The following CENPO variants were observed in gnomAD, a reference collection of about 807,000 sequenced individuals.
CENPO encodes centromere protein O.
Under a neutral mutation model 36.1 loss-of-function variants are expected in CENPO, and 30 were observed. That is an observed-to-expected ratio of 0.83 (90% CI 0.62 to 1.13). CENPO has a LOEUF of 1.13. CENPO is among the 50% of genes most tolerant of loss of function. CENPO has a pLI of 0.00. For missense variants in CENPO, 349 were observed against 357.8 expected, an observed-to-expected ratio of 0.98 and a Z score of 0.20; for synonymous variants, 171 against 142.3, an observed-to-expected ratio of 1.20 and a Z score of -1.44.
chr2:24,805,729 G>A (rs1007043833), intron 3 of CENPO, among the ~76,000 whole-genome samples: 1 of 152,216 alleles, frequency 6.6e-6, no homozygotes. Context: ...GTGTCAGTCT[G>A]CCTCTACTGG....
intron 6 of CENPO, 30 bp from the exon 7 acceptor site, chr2:24,817,640 G>C: frequency 1.2e-6 from 2 of 1,614,004 alleles, no homozygotes; most frequent in Non-Finnish European, 1.7e-6. Flanking sequence ...CAGCTGCACT[G>C]AATGAGATTG....
At chr2:24,817,926 C>T in intron 7 of CENPO, 85 bp downstream of exon 7, 1 of 1,106,672 alleles carries the variant, frequency 9.0e-7, no homozygotes, top group Non-Finnish European at 1.3e-6. Context: ...AAACAGACAC[C>T]TACCTGTTCA....
intron 3 of CENPO, among the ~76,000 whole-genome samples, chr2:24,809,516 TTTTC>T (rs1181088317): frequency 2.6e-5 from 4 of 152,198 alleles, no homozygotes; most frequent in African/African-American, 7.2e-5. Flanking sequence ...AAGTTTTTCT[TTTTC>T]TTTTTCTTTT....
In CENPO at chr2:24,820,890, C is replaced by T. The variant is rs1283737284; in HGVS notation, c.*1572C>T. The T allele has an allele frequency of 6.2e-7, 1 of 1,606,946 alleles. No individual in the cohort carries two copies. Among genetic ancestry groups the T allele is most frequent in the Non-Finnish European group, 8.5e-7 (1 of 1,175,798 alleles). ...AAGTTCAGCACAGCCACAGGCCACA[C>T]CTTGTTATGGGCCTCAGAAGCCATC... is the stretch of plus-strand genomic sequence containing the variant. On this transcript the variant is annotated 3_prime_UTR_variant, in exon 8 of 8. Transcript: ENST00000380834.
At chr2:24,818,460 T>C (rs1572751240) in intron 7 of CENPO, among the ~76,000 whole-genome samples, 1 of 142,630 alleles carries the variant, frequency 7.0e-6, no homozygotes, top group Non-Finnish European at 1.6e-5. Context: ...GTTTGAAACT[T>C]TTGAAAAGGA....
chr2:24,810,508 T>G (rs1412976844), intron 3 of CENPO, among the ~76,000 whole-genome samples: 10 of 130,408 alleles, frequency 7.7e-5, no homozygotes, highest in Admixed American at 6.8e-4. Context: ...GTTAAGGTTT[T>G]TTTTTTTTTT....
rs988851629 is a variant in CENPO, at chr2:24,802,022, C to G, written c.216+2178C>G. On this transcript the variant is annotated intron_variant, in intron 3 of 7. Transcript: ENST00000380834. ...TTTCGTTGATTAGTGGTTTGTAGTT[C>G]TCCTTGAAGAGGTCCTTCACATCCC... Among the ~76,000 whole-genome samples, 77 of 152,240 alleles carry G rather than the reference C, an allele frequency of 5.1e-4. 1 individual carries two copies. Among genetic ancestry groups the G allele is most frequent in the Middle Eastern group, 3.4e-3 (1 of 294 alleles).
rs1296495098 is a variant in CENPO at position 24,821,670 on chromosome 2, A to C, written c.*2352A>C. The C allele has an allele frequency of 6.2e-7, 1 of 1,611,356 alleles. No individual in the cohort carries two copies. Among genetic ancestry groups the C allele is most frequent in the African/African-American group, 1.3e-5 (1 of 74,918 alleles). ...GCCAGGGGACCGTGGAGAAAGTGTCAGGGGCCGCTCACTGCAGCAGCCTGC... is the reference window on the plus strand; with the variant it reads ...GCCAGGGGACCGTGGAGAAAGTGTCCGGGGCCGCTCACTGCAGCAGCCTGC... On this transcript the variant is annotated 3_prime_UTR_variant, in exon 8 of 8. Transcript: ENST00000380834.
intron 1 of CENPO, 56 bp from the exon 2 acceptor site, chr2:24,793,796 T>G (rs1665747216): frequency 7.5e-7 from 1 of 1,324,688 alleles, no homozygotes; most frequent in Non-Finnish European, 1.1e-6. Context: ...TGCCCTGCCG[T>G]CTGGGTTTGA....
intron 2 of CENPO, among the ~76,000 whole-genome samples, chr2:24,798,133 G>A (rs183628825): frequency 7.9e-5 from 12 of 152,174 alleles, no homozygotes; most frequent in African/African-American, 2.4e-4. Context: ...CAAAACGTTC[G>A]GATACTCAAC....
intron 3 of CENPO, among the ~76,000 whole-genome samples, chr2:24,804,667 T>A (rs1666302173): frequency 6.6e-6 from 1 of 152,248 alleles, no homozygotes; most frequent in African/African-American, 2.4e-5. Flanking sequence ...CACTCTCTTC[T>A]GACTTGTAGA....
chr2:24,821,707 CCCTGGCAGTG>C lies in CENPO; in HGVS notation c.*2390_*2399del. The stretch of plus-strand genomic sequence containing the variant: ...CTGCAGCAGCCTGCTCTGCTGCCTT[CCCTGGCAGTG>C]TTCTGGGGGTGGATTCCCTACACCT... On this transcript the variant is annotated 3_prime_UTR_variant, in exon 8 of 8. Transcript: ENST00000380834. 3 of 1,580,636 alleles carry C rather than the reference CCCTGGCAGTG, an allele frequency of 1.9e-6. No individual in the cohort carries two copies. Among genetic ancestry groups the C allele is most frequent in the Non-Finnish European group, 1.7e-6 (2 of 1,161,330 alleles).
intron 2 of CENPO, among the ~76,000 whole-genome samples, chr2:24,795,537 A>T (rs1424232837): frequency 1.3e-5 from 2 of 152,132 alleles, no homozygotes; most frequent in African/African-American, 4.8e-5. Flanking sequence ...AGGTCGGTAA[A>T]GAAGCTGGGC....
In CENPO at chr2:24,820,643, CAG is replaced by C; in HGVS notation, c.*1326_*1327del. On this transcript the variant is annotated 3_prime_UTR_variant, in exon 8 of 8. Transcript: ENST00000380834. ...TACTGTTCAGGGCCAGGGTGGGAGG[CAG>C]GGGCACGTGGGAAAGCACTGTTCCG... The C allele has an allele frequency of 6.3e-7, 1 of 1,582,212 alleles. No individual in the cohort carries two copies. Among genetic ancestry groups the C allele is most frequent in the Non-Finnish European group, 8.6e-7 (1 of 1,161,168 alleles).
At chr2:24,814,683 C>T in intron 4 of CENPO, 190 bp downstream of exon 4, 2 of 567,442 alleles carry the variant, frequency 3.5e-6, no homozygotes, top group Non-Finnish European at 6.3e-6. Flanking sequence ...CCTATCTTCA[C>T]CTACAAGATT....
At chr2:24,796,292 T>C (rs1484450671) in intron 2 of CENPO, among the ~76,000 whole-genome samples, 2 of 152,098 alleles carry the variant, frequency 1.3e-5, no homozygotes, top group Non-Finnish European at 2.9e-5. Context: ...AGGTAGAGGT[T>C]GCAGTGAGCT....
chr2:24,820,313 T>TG lies in CENPO; in HGVS notation c.*1000dup, dbSNP rs1490080312. On this transcript the variant is annotated 3_prime_UTR_variant, in exon 8 of 8. Transcript: ENST00000380834. ...GAAGGAGAACCCTGGAGTGACTGGC[T>TG]GGGGGCCTCCTCTCATCCAGAGACT... 1.2e-5 allele frequency: 16 copies of TG among 1,304,690 alleles called. No homozygotes were observed. Among genetic ancestry groups the TG allele is most frequent in the East Asian group, 1.2e-4 (4 of 33,778 alleles). 80.8% of individuals were successfully genotyped at this position (1,304,690 alleles called of 1,614,324 possible).
chr2:24,815,651 G>T lies in CENPO; in HGVS notation c.489G>T (p.Glu163Asp), dbSNP rs1666907358. The change falls in exon 5 of 8, where the codon GAG becomes GAT. Residue 163 changes from glutamate to aspartate, a missense_variant. Glu to Asp is a conservative substitution (Grantham distance 45, BLOSUM62 2). Coordinates refer to ENST00000380834, the MANE Select transcript of CENPO (RefSeq NM_001322101.2). ...HSVPVFIPLE[E>D]IAAKYLQTNI... ...TCCCAGTCTTCATTCCCCTGGAAGA[G>T]ATAGCTGCAAAATATTTACAGACCA... The T allele has an allele frequency of 1.9e-6, 3 of 1,614,060 alleles. No individual in the cohort carries two copies. The African/African-American group carries it at 4.0e-5, about 22-fold the overall frequency.
rs767054551 is a variant in CENPO at position 24,793,492 on chromosome 2, T to C, written c.-78T>C. 5.6e-6 allele frequency: 9 copies of C among 1,600,808 alleles called. No homozygotes were observed. In the South Asian group the frequency reaches 8.9e-5, roughly 16 times the overall value. ...GACGTGGATGGCGGGAATTCTCGCT[T>C]CTGGCCTGGGTGAGCTAGAAGGGAG... is the stretch of plus-strand genomic sequence containing the variant. On this transcript the variant is annotated 5_prime_UTR_variant, in exon 1 of 8. Transcript: ENST00000380834.
Sources: gnomAD v4.1 joint callset for allele counts (sites outside exome capture counted in the v4.1 genomes callset) on GRCh38, gnomAD v4.1.1 for gene constraint, MANE v1.5 for transcripts, NCBI Gene and HGNC (gene_info 2026-07-23, HGNC 2026-07-21) for gene names.